The following PTK2 variants were observed in gnomAD, a reference collection of about 807,000 sequenced individuals.
PTK2 encodes the protein protein tyrosine kinase 2, also known as focal adhesion kinase 1.
In PTK2, 45 loss-of-function variants were observed where a neutral mutation model predicts 150.1. The observed-to-expected ratio is 0.30, with a 90% confidence interval of 0.24 to 0.38. The LOEUF is 0.38. PTK2 is among the 10% of genes least tolerant of loss of function. PTK2 has a pLI of 1.00. For missense variants in PTK2, 919 were observed against 1,307.3 expected, an observed-to-expected ratio of 0.70 and a Z score of 4.58; for synonymous variants, 432 against 449.2, an observed-to-expected ratio of 0.96 and a Z score of 0.48.
chr8:140,688,982 T>C (rs1043537667), intron 26 of PTK2, among the ~76,000 whole-genome samples: 2 of 152,164 alleles, frequency 1.3e-5, no homozygotes, highest in African/African-American at 2.4e-5. Context: ...CCATTAGATA[T>C]AGACAGCTGT....
intron 1 of PTK2, among the ~76,000 whole-genome samples, chr8:140,936,208 A>C (rs1385537526): frequency 6.6e-6 from 1 of 152,206 alleles, no homozygotes; most frequent in Non-Finnish European, 1.5e-5. Flanking sequence ...TTGTGAATTC[A>C]ATCTTTTTAA....
At chr8:140,896,789 G>A (rs28502725) in intron 2 of PTK2, among the ~76,000 whole-genome samples, 140 of 11,742 alleles carry the variant, frequency 0.012, 2 homozygotes, top group African/African-American at 0.039. Context: ...CCAAAAAAAC[G>A]GGGGGGGGGG....
chr8:140,668,144 G>C (rs1563922345), intron 30 of PTK2, 125 bp downstream of exon 34: 5 of 1,089,398 alleles, frequency 4.6e-6, no homozygotes, highest in Admixed American at 4.5e-5. Flanking sequence ...CTTTCGTGAA[G>C]AGCTTCTAAA....
At chr8:140,824,432 A>G (rs958478413) in intron 8 of PTK2, among the ~76,000 whole-genome samples, 4 of 151,630 alleles carry the variant, frequency 2.6e-5, no homozygotes, top group Admixed American at 6.6e-5. Context: ...AAGGAAAACG[A>G]TATCATTCAG....
chr8:140,927,958 G>GAAAAAAAAAAAAAAAAAAAAAA (rs57931737), intron 1 of PTK2, among the ~76,000 whole-genome samples: 3 of 63,634 alleles, frequency 4.7e-5, no homozygotes, highest in Non-Finnish European at 7.9e-5. Flanking sequence ...AAAAAAAAAA[G>GAAAAAAAAAAAAAAAAAAAAAA]AAAAAAAAAA....
intron 2 of PTK2, among the ~76,000 whole-genome samples, chr8:140,925,001 T>C (rs1209500513): frequency 6.6e-6 from 1 of 152,200 alleles, no homozygotes; most frequent in African/African-American, 2.4e-5. Flanking sequence ...TACAAAACCC[T>C]GGCCATATAT....
At chr8:140,975,853 A>G (rs1201080404) in intron 1 of PTK2, among the ~76,000 whole-genome samples, 1 of 152,224 alleles carries the variant, frequency 6.6e-6, no homozygotes, top group African/African-American at 2.4e-5. Flanking sequence ...CTATACCTTC[A>G]GGGCTTAATA....
At chr8:140,969,445 T>C (rs2100186465) in intron 1 of PTK2, among the ~76,000 whole-genome samples, 1 of 152,222 alleles carries the variant, frequency 6.6e-6, no homozygotes, top group Non-Finnish European at 1.5e-5. Context: ...CCACCAGAAC[T>C]TCTCTATCCA....
intron 18 of PTK2, among the ~76,000 whole-genome samples, chr8:140,745,886 G>C (rs1323294796): frequency 6.6e-6 from 1 of 151,724 alleles, no homozygotes; most frequent in East Asian, 1.9e-4. Context: ...TGTAGTCCCA[G>C]ATACTCAGGA....
At chr8:140,907,841 C>T (rs1181236948) in intron 2 of PTK2, among the ~76,000 whole-genome samples, 1 of 152,162 alleles carries the variant, frequency 6.6e-6, no homozygotes, top group African/African-American at 2.4e-5. Context: ...TCCACCAACC[C>T]GCTGCTGCCT....
rs764574119 is a variant in PTK2 at position 140,803,528 on chromosome 8, G to GT, written c.975+14dup. 1.7e-5 allele frequency: 27 copies of GT among 1,581,088 alleles called. No individual in the cohort carries two copies. In the East Asian group the frequency reaches 3.6e-4, roughly 21 times the overall value. ...TAACCATTTTCCCTTAATGATGAAC[G>GT]TAACAGTTCCTTACCTCGGGTGCAC... On this transcript the variant is annotated intron_variant, in intron 11 of 31. Coordinates refer to ENST00000522684, the Ensembl canonical transcript of PTK2.
chr8:140,785,540 T>A (rs1460272759), intron 14 of PTK2, among the ~76,000 whole-genome samples: 1 of 152,188 alleles, frequency 6.6e-6, no homozygotes, highest in African/African-American at 2.4e-5. Flanking sequence ...TACTGACATA[T>A]GAACCCAGAC....
chr8:140,958,456 A>G (rs1334922020), intron 1 of PTK2, among the ~76,000 whole-genome samples: 3 of 152,118 alleles, frequency 2.0e-5, no homozygotes, highest in Non-Finnish European at 2.9e-5. Context: ...ATGTCTTTTG[A>G]GGAATATGAT....
intron 1 of PTK2, among the ~76,000 whole-genome samples, chr8:140,953,680 A>C (rs1036058875): frequency 2.0e-5 from 3 of 152,230 alleles, no homozygotes; most frequent in African/African-American, 7.2e-5. Context: ...AACTGAACCT[A>C]CAAAAAGCAA....
chr8:140,768,993 GGA>G (rs2100074014), intron 14 of PTK2, among the ~76,000 whole-genome samples: 1 of 152,088 alleles, frequency 6.6e-6, no homozygotes, highest in African/African-American at 2.4e-5. Flanking sequence ...TTAGTATAAA[GGA>G]GGATAAAGTT....
intron 1 of PTK2, among the ~76,000 whole-genome samples, chr8:140,952,433 C>G (rs907765090): frequency 6.6e-6 from 1 of 152,134 alleles, no homozygotes; most frequent in African/African-American, 2.4e-5. Context: ...GACAGGGGGA[C>G]ACAGGACCCA....
At chr8:140,864,922 G>A (rs1030607545) in intron 4 of PTK2, among the ~76,000 whole-genome samples, 2 of 151,916 alleles carry the variant, frequency 1.3e-5, no homozygotes, top group South Asian at 2.1e-4. Flanking sequence ...TACACATTTC[G>A]GTTGCATATA....
intron 14 of PTK2, among the ~76,000 whole-genome samples, chr8:140,766,769 A>G (rs534233733): frequency 3.4e-4 from 52 of 152,348 alleles, no homozygotes; most frequent in Middle Eastern, 3.4e-3. Flanking sequence ...GCTGCAATAC[A>G]CGTGACAAAA....
intron 14 of PTK2, among the ~76,000 whole-genome samples, chr8:140,780,564 C>T (rs1018867494): frequency 1.3e-5 from 2 of 152,192 alleles, no homozygotes. Context: ...GACACAATTT[C>T]TTCAACAGAG....
Sources: allele counts gnomAD v4.1 joint callset (sites outside exome capture counted in the v4.1 genomes callset), GRCh38; gene constraint gnomAD v4.1.1; transcripts MANE v1.5; gene names NCBI Gene and HGNC (gene_info 2026-07-23, HGNC 2026-07-21).